ELF1: variants seen among roughly 807,000 people sequenced by gnomAD.
ELF1 encodes ETS-related transcription factor Elf-1.
A neutral mutation model predicts 59.9 loss-of-function variants in ELF1; 24 were observed. The observed-to-expected ratio is 0.40, with a 90% CI of 0.29 to 0.56. The LOEUF is 0.56. Among genes scored for constraint, ELF1 ranks in the 20% least tolerant of loss-of-function variants. The pLI is 0.44. For missense variants in ELF1, 627 were observed against 742.2 expected (o/e 0.84, Z 1.80); for synonymous variants, 248 against 266.2 (o/e 0.93, Z 0.67).
intron 1 of ELF1, among the ~76,000 whole-genome samples, chr13:41,047,113 T>A (rs761447193): frequency 1.2e-4 from 18 of 152,250 alleles, no homozygotes; most frequent in Non-Finnish European, 2.6e-4. Context: ...TCTCCTGCCA[T>A]GGTTTTCAGC....
rs1042557813 is a variant in ELF1 at position 40,963,586 on chromosome 13, G to C, written c.73-4570C>G. ...ATGCTATTAATCCATATATAAGAAAGAGACCAACTTCAGATTTTCATAAGA... is the reference window on the plus strand; with the variant it reads ...ATGCTATTAATCCATATATAAGAAACAGACCAACTTCAGATTTTCATAAGA... On this transcript the variant is annotated intron_variant, in intron 2 of 8. Transcript: ENST00000239882. 4.1e-4 allele frequency among the ~76,000 whole-genome samples: 62 copies of C among 152,184 alleles called. 2 individuals are homozygous for C.
At chr13:40,948,489 C>T (rs961945164) in intron 5 of ELF1, among the ~76,000 whole-genome samples, 1 of 152,238 alleles carries the variant, frequency 6.6e-6, no homozygotes, top group African/African-American at 2.4e-5. Context: ...CCCTTCTGAG[C>T]TGCTGCAGTG....
intron 1 of ELF1, among the ~76,000 whole-genome samples, chr13:41,054,257 A>C (rs982492038): frequency 5.9e-5 from 9 of 152,216 alleles, no homozygotes; most frequent in African/African-American, 2.2e-4. Context: ...CCTCAGAAAA[A>C]ATTCAGAGAA....
chr13:41,014,808 T>A (rs1317031958), intron 1 of ELF1, among the ~76,000 whole-genome samples: 3 of 152,144 alleles, frequency 2.0e-5, no homozygotes, highest in Non-Finnish European at 4.4e-5. Context: ...AGTGAATACC[T>A]AACAATGTCC....
At chr13:41,027,535 C>T (rs1875987498) in intron 1 of ELF1, among the ~76,000 whole-genome samples, 2 of 152,176 alleles carry the variant, frequency 1.3e-5, no homozygotes, top group African/African-American at 4.8e-5. Context: ...GCAATGAGCC[C>T]CCAGTATGGC....
Position 40,941,364 on chromosome 13 carries a change from A to G in ELF1, c.813T>C (p.Tyr271=), listed in dbSNP as rs1357874985. 2 of 1,590,950 alleles carry G rather than the reference A, an allele frequency of 1.3e-6. No homozygotes were observed. The highest frequency in any genetic ancestry group is 4.5e-5 in the East Asian group (2 of 44,706). Residue 271 remains tyrosine, a synonymous_variant, in exon 8 of 9, where the codon TAT becomes TAC. Coordinates refer to ENST00000239882, the MANE Select transcript of ELF1 (RefSeq NM_172373.4). Reference sequence around the variant, plus strand: ...CTTTTGCCAGAATACCCCTTTGGTAATAGTACCTATTCAAAGCAGACAATT... The same window carrying G: ...CTTTTGCCAGAATACCCCTTTGGTAGTAGTACCTATTCAAAGCAGACAATT... The part of the protein sequence containing the change: ...YETMGRALRY[Y]YQRGILAKVE...
exon 1 of ELF1, chr13:41,060,946 C>CCGCCGG (rs1199550881): frequency 2.9e-6 from 1 of 343,954 alleles, no homozygotes; most frequent in African/African-American, 2.2e-5. Context: ...GCCGCCGCCG[C>CCGCCGG]TGCTGCTGCC....
chr13:41,037,795 C>CAA (rs796346659), intron 1 of ELF1, among the ~76,000 whole-genome samples: 1 of 124,760 alleles, frequency 8.0e-6, no homozygotes. Context: ...GACTCCGTCT[C>CAA]AAAAAAAAAA....
chr13:41,060,885 C>A (rs534314968), exon 1 of ELF1: 28 of 342,130 alleles, frequency 8.2e-5, no homozygotes, highest in South Asian at 6.2e-4. Context: ...CTCTCGCCAC[C>A]GCCGCCTCTG....
At chr13:40,944,717 T>C (rs1381660566) in intron 5 of ELF1, among the ~76,000 whole-genome samples, 1 of 152,182 alleles carries the variant, frequency 6.6e-6, no homozygotes, top group Non-Finnish European at 1.5e-5. Context: ...GATCATGCTG[T>C]CTGAACATAC....
chr13:40,999,539 A>T (rs1761139211), intron 1 of ELF1, among the ~76,000 whole-genome samples: 1 of 152,224 alleles, frequency 6.6e-6, no homozygotes, highest in Admixed American at 6.5e-5. Flanking sequence ...TTTGAGAAGA[A>T]GTAAAAAAAG....
intron 5 of ELF1, among the ~76,000 whole-genome samples, chr13:40,948,448 A>C (rs1034041162): frequency 6.6e-6 from 1 of 152,168 alleles, no homozygotes; most frequent in African/African-American, 2.4e-5. Context: ...ACGGACAATA[A>C]AACCAGAGCC....
chr13:41,003,851 A>G (rs1308925440), intron 1 of ELF1, among the ~76,000 whole-genome samples: 2 of 152,148 alleles, frequency 1.3e-5, no homozygotes, highest in African/African-American at 4.8e-5. Flanking sequence ...GAAAACACTA[A>G]TAATTTCACT....
intron 2 of ELF1, 28 bp downstream of exon 2, chr13:40,981,955 A>G: frequency 6.3e-7 from 1 of 1,596,198 alleles, no homozygotes; most frequent in Non-Finnish European, 8.5e-7. Context: ...TAAAGTCATT[A>G]AAATGAAATT....
At chr13:41,059,712 T>C (rs1189040706) in intron 1 of ELF1, among the ~76,000 whole-genome samples, 1 of 152,224 alleles carries the variant, frequency 6.6e-6, no homozygotes. Flanking sequence ...ACAGCTCACA[T>C]GCTGCTGACA....
At chr13:40,981,008 T>TA (rs1873229104) in intron 2 of ELF1, among the ~76,000 whole-genome samples, 1 of 152,096 alleles carries the variant, frequency 6.6e-6, no homozygotes, top group Admixed American at 6.6e-5. Context: ...ACAACACAGC[T>TA]AAAAAAATTT....
chr13:41,060,063 A>AGC (rs1390007918), intron 1 of ELF1, among the ~76,000 whole-genome samples: 2 of 152,180 alleles, frequency 1.3e-5, no homozygotes, highest in East Asian at 3.9e-4. Context: ...GACTGCGACC[A>AGC]GCGCCCCTTA....
At chr13:40,988,538 T>C (rs1251750252) in intron 1 of ELF1, among the ~76,000 whole-genome samples, 3 of 152,222 alleles carry the variant, frequency 2.0e-5, no homozygotes, top group East Asian at 1.9e-4. Context: ...CTCTTGATAT[T>C]TGGGATAAAT....
chr13:41,033,371 C>A (rs118107675), intron 1 of ELF1, among the ~76,000 whole-genome samples: 3 of 152,146 alleles, frequency 2.0e-5, no homozygotes, highest in Non-Finnish European at 4.4e-5. Flanking sequence ...TGTTATAGTG[C>A]CAGGACACAT....
Sources: allele counts gnomAD v4.1 joint callset (sites outside exome capture counted in the v4.1 genomes callset), GRCh38; gene constraint gnomAD v4.1.1; transcripts MANE v1.5; gene names NCBI Gene and HGNC (gene_info 2026-07-23, HGNC 2026-07-21).